Variants in EPHB2 observed in about 807,000 individuals in gnomAD.
EPHB2 encodes EPH receptor B2, also known as ephrin type-B receptor 2.
A neutral mutation model predicts 96.4 loss-of-function variants in EPHB2; 18 were observed. The observed-to-expected ratio is 0.19, with a 90% CI of 0.13 to 0.28. The LOEUF (loss-of-function observed/expected upper bound fraction) is 0.28, where lower values mean the gene tolerates loss of function less well. Among genes scored for constraint, EPHB2 ranks in the 10% least tolerant of loss-of-function variants. EPHB2 has a pLI of 1.00. For missense variants in EPHB2, 989 were observed against 1,355.4 expected (o/e 0.73, Z 4.25); for synonymous variants, 506 against 534.1 (o/e 0.95, Z 0.72).
chr1:22,810,230 A>G (rs74061034), intron 3 of EPHB2, among the ~76,000 whole-genome samples: 10,681 of 152,162 alleles, frequency 0.07, 1,163 homozygotes, highest in African/African-American at 0.24. Context: ...GGACCCTGCC[A>G]CTGCCAACAT....
At chr1:22,836,997 T>C (rs1645395122) in intron 3 of EPHB2, 1 of 152,288 alleles carries the variant, frequency 6.6e-6, no homozygotes, top group African/African-American at 2.4e-5. Flanking sequence ...AAGAGGGCCT[T>C]TGTGGTTCCA....
intron 5 of EPHB2, among the ~76,000 whole-genome samples, chr1:22,872,883 C>A (rs1043995064): frequency 5.3e-5 from 8 of 152,164 alleles, no homozygotes; most frequent in Non-Finnish European, 1.0e-4. Context: ...CAAGAGAGCC[C>A]CCTGTGTGCT....
chr1:22,913,550 A>G lies in EPHB2; in HGVS notation c.2941A>G (p.Ile981Val). Residue 981 changes from isoleucine (I) to valine (V), a missense_variant, in exon 16 of 16, where the codon ATT becomes GTT. By Grantham distance (29) the Ile-to-Val change is conservative. Transcript: ENST00000374630. This position sits in a 1 kb window ranked among gnomAD's most constrained non-coding sequence, Gnocchi z 4.1. Reference sequence around the variant, plus strand: ...GGTGATGCGGGCGCAGATGAACCAGATTCAGTCTGTGGAGGTTTGACATTC... The same window carrying G: ...GGTGATGCGGGCGCAGATGAACCAGGTTCAGTCTGTGGAGGTTTGACATTC... ...IQVMRAQMNQIQSVEV is the reference protein window; with the variant it reads ...IQVMRAQMNQVQSVEV 1 of 1,614,148 alleles carries G rather than the reference A, an allele frequency of 6.2e-7. No homozygotes were observed.
At chr1:22,815,970 A>T (rs139545120) in intron 3 of EPHB2, among the ~76,000 whole-genome samples, 136 of 152,286 alleles carry the variant, frequency 8.9e-4, no homozygotes, top group African/African-American at 3.2e-3. Flanking sequence ...TGGCAGCAGC[A>T]GGAGAGGATT....
At chr1:22,879,242 G>T (rs1441078570) in intron 5 of EPHB2, among the ~76,000 whole-genome samples, 14 of 152,180 alleles carry the variant, frequency 9.2e-5, no homozygotes, top group African/African-American at 3.4e-4. Flanking sequence ...AGCCCCTGTG[G>T]GTTGGATGAG....
intron 3 of EPHB2, among the ~76,000 whole-genome samples, chr1:22,816,082 C>T (rs1158038643): frequency 1.3e-5 from 2 of 152,168 alleles, no homozygotes; most frequent in East Asian, 3.8e-4. Context: ...ACTTAGACCA[C>T]CTGTGCTGCA....
In EPHB2 at chr1:22,733,852, G is replaced by A. The variant is rs1487368623; in HGVS notation, c.61+22809G>A. Among the ~76,000 whole-genome samples the A allele has an allele frequency of 6.6e-6, 1 of 152,162 alleles. No homozygotes were observed. Among genetic ancestry groups the A allele is most frequent in the Admixed American group, 6.5e-5 (1 of 15,268 alleles). ...TGATTTGGTGGGGACAGAGCTAGAAGTTGAACCCGGGACTGGATTCTTGAC... is the reference window on the plus strand; with the variant it reads ...TGATTTGGTGGGGACAGAGCTAGAAATTGAACCCGGGACTGGATTCTTGAC... On this transcript the variant is annotated intron_variant, in intron 1 of 15. Transcript: ENST00000374630. This position sits in a 1 kb window ranked among gnomAD's most constrained non-coding sequence, Gnocchi z 4.6.
At chr1:22,765,911 T>C (rs925031843) in intron 1 of EPHB2, among the ~76,000 whole-genome samples, 4 of 152,080 alleles carry the variant, frequency 2.6e-5, no homozygotes, top group South Asian at 2.1e-4. Flanking sequence ...AGAAGCCAGG[T>C]ACAGGAAGAG....
chr1:22,783,990 G>A lies in EPHB2; in HGVS notation c.127-402G>A, dbSNP rs142600645. ...TCCCTGGTCAGACAGGGAGCTCCCC[G>A]AGGGCAGAGGTCCTGTCTCCTCCAT... On this transcript the variant is annotated intron_variant, in intron 2 of 15. Transcript: ENST00000374630. Among the ~76,000 whole-genome samples, 36 of 152,160 alleles carry A rather than the reference G, an allele frequency of 2.4e-4. No homozygotes were observed. The East Asian group carries it at 5.4e-3, about 23-fold the overall frequency.
At chr1:22,783,740 A>G (rs1055991996) in intron 2 of EPHB2, among the ~76,000 whole-genome samples, 10 of 152,108 alleles carry the variant, frequency 6.6e-5, no homozygotes, top group Admixed American at 6.5e-4. Flanking sequence ...GGTTTGTGAG[A>G]GCCCAGACTG....
chr1:22,886,904 G>A (rs1639243813), intron 6 of EPHB2, among the ~76,000 whole-genome samples: 1 of 152,034 alleles, frequency 6.6e-6, no homozygotes, highest in Non-Finnish European at 1.5e-5. Context: ...GGGATTACAG[G>A]GGTGAGCCAC....
intron 14 of EPHB2, 97 bp downstream of exon 14, chr1:22,910,672 T>C (rs1570471882): frequency 1.4e-6 from 2 of 1,464,760 alleles, no homozygotes; most frequent in East Asian, 2.4e-5. Context: ...TCTTCCTTAC[T>C]GCAGCTTGGG....
intron 7 of EPHB2, 120 bp from the exon 8 acceptor site, chr1:22,895,351 CA>C: frequency 1.1e-6 from 1 of 875,650 alleles, no homozygotes; most frequent in Non-Finnish European, 1.9e-6. Flanking sequence ...GGTGCTCTGT[CA>C]GGGGCAGGAA....
At chr1:22,885,362 G>A (rs1449817065) in intron 6 of EPHB2, among the ~76,000 whole-genome samples, 2 of 152,270 alleles carry the variant, frequency 1.3e-5, no homozygotes, top group African/African-American at 4.8e-5. Context: ...GCAGGCCTGG[G>A]GAGGCTGCTG....
At chr1:22,850,035 A>G (rs1038083158) in intron 3 of EPHB2, among the ~76,000 whole-genome samples, 44 of 152,198 alleles carry the variant, frequency 2.9e-4, no homozygotes, top group Admixed American at 2.4e-3. Context: ...TGTGTCCTTT[A>G]TTAATGACCA....
chr1:22,788,401 A>G (rs545397915), intron 3 of EPHB2, among the ~76,000 whole-genome samples: 18 of 152,304 alleles, frequency 1.2e-4, no homozygotes, highest in South Asian at 1.0e-3. Context: ...GGTGTGATTA[A>G]TGAGCTCAGG....
intron 1 of EPHB2, chr1:22,775,082 G>T: frequency 1.4e-6 from 1 of 713,886 alleles, no homozygotes; most frequent in Non-Finnish European, 2.6e-6. Flanking sequence ...ACAGGCCCAT[G>T]CAGAGAGAGA....
intron 1 of EPHB2, among the ~76,000 whole-genome samples, chr1:22,740,232 C>T (rs547762874): frequency 3.3e-5 from 5 of 152,294 alleles, no homozygotes; most frequent in African/African-American, 9.6e-5. Flanking sequence ...TCTTCAACTG[C>T]GGTCACTGGG....
chr1:22,839,160 A>G (rs1645428782), intron 3 of EPHB2, among the ~76,000 whole-genome samples: 1 of 152,108 alleles, frequency 6.6e-6, no homozygotes, highest in South Asian at 2.1e-4. Context: ...AGTACCAATC[A>G]ATCACGATGC....
Sources: gnomAD v4.1 joint callset for allele counts (sites outside exome capture counted in the v4.1 genomes callset) on GRCh38, gnomAD v4.1.1 for gene constraint, Gnocchi (gnomAD v3.1) non-coding constraint, MANE v1.5 for transcripts, NCBI Gene and HGNC (gene_info 2026-07-23, HGNC 2026-07-21) for gene names.